MBTD1: variants seen among roughly 807,000 people sequenced by gnomAD.
MBTD1 encodes MBT domain-containing protein 1.
A neutral mutation model predicts 87.8 loss-of-function variants in MBTD1; 24 were observed. The observed-to-expected ratio is 0.27, with a 90% CI of 0.20 to 0.38. The LOEUF (loss-of-function observed/expected upper bound fraction) is 0.38. MBTD1 is among the 10% of genes least tolerant of loss of function. The pLI, the probability that MBTD1 is intolerant of heterozygous loss-of-function variation, is 1.00. For synonymous variants in MBTD1, 237 were observed against 248.6 expected, an observed-to-expected ratio of 0.95 and a Z score of 0.44; for missense variants, 436 against 760.2, an observed-to-expected ratio of 0.57 and a Z score of 5.02.
intron 6 of MBTD1, among the ~76,000 whole-genome samples, chr17:51,211,505 A>T (rs1023265157): frequency 8.3e-5 from 2 of 24,098 alleles, no homozygotes; most frequent in Non-Finnish European, 8.0e-5. Flanking sequence ...GAGACTGTTT[A>T]AAAAAAAAAA....
intron 12 of MBTD1, among the ~76,000 whole-genome samples, chr17:51,199,101 T>G (rs945396976): frequency 5.3e-5 from 8 of 151,788 alleles, no homozygotes; most frequent in Non-Finnish European, 7.4e-5. Context: ...CAGTCTTTAT[T>G]TTTTTCTTTT....
rs530977866 is a variant in MBTD1, at chr17:51,254,995, G to C, written c.-49+4148C>G. Among the ~76,000 whole-genome samples the C allele has an allele frequency of 1.4e-4, 22 of 152,276 alleles. No individual in the cohort carries two copies. The South Asian group carries it at 3.5e-3, about 24-fold the overall frequency. ...GATCATTTATTAGTATGTTAACATA[G>C]AGACGGGCCAGGCGCAGTGGCTCAC... On this transcript the variant is annotated intron_variant, in intron 2 of 16. Coordinates refer to ENST00000586178, the MANE Select transcript of MBTD1 (RefSeq NM_017643.3).
In MBTD1 at chr17:51,220,483, C is replaced by T; in HGVS notation, c.155-20G>A. ...AGGTAGCTAATTAACAAAATAAAAA[C>T]ACTGGTGTTATGATGATATAATAAA... On this transcript the variant is annotated intron_variant, in intron 3 of 16. Transcript: ENST00000586178. 4 of 1,529,592 alleles carry T rather than the reference C, an allele frequency of 2.6e-6. No homozygotes were observed. Among genetic ancestry groups the T allele is most frequent in the Non-Finnish European group, 3.5e-6 (4 of 1,132,096 alleles). 94.8% of individuals were successfully genotyped at this position (1,529,592 alleles called of 1,614,324 possible).
chr17:51,259,291 C>G, intron 1 of MBTD1, 85 bp from the exon 2 acceptor site: 2 of 1,229,322 alleles, frequency 1.6e-6, no homozygotes, highest in Non-Finnish European at 1.0e-6. Flanking sequence ...AAATATGCAG[C>G]CTTGGAGGCT....
At position 51,259,822 on chromosome 17, in the gene MBTD1, G is replaced by A. The variant is rs1247805520; in HGVS notation, c.-113+13C>T. On this transcript the variant is annotated intron_variant, in intron 1 of 16. Transcript: ENST00000586178. ...ACCTGGCACACAAAGCGGCTGCCGC[G>A]CTCGGCTCTCACCAGATCCTTTGTG... The A allele has an allele frequency of 2.4e-6, 3 of 1,232,356 alleles. No homozygotes were observed. The highest frequency in any genetic ancestry group is 3.0e-6 in the Non-Finnish European group (3 of 988,344). The allele number at this position is 1,232,356 out of a possible 1,614,324, so 76.3% of individuals were successfully genotyped here.
intron 16 of MBTD1, among the ~76,000 whole-genome samples, chr17:51,190,573 C>T (rs144613936): frequency 6.7e-5 from 10 of 148,580 alleles, no homozygotes; most frequent in African/African-American, 2.2e-4. Context: ...AATATAAAAA[C>T]GAGTTGGGCA....
At chr17:51,227,728 T>C (rs1475706676) in intron 2 of MBTD1, among the ~76,000 whole-genome samples, 1 of 152,046 alleles carries the variant, frequency 6.6e-6, no homozygotes, top group Non-Finnish European at 1.5e-5. Flanking sequence ...GGCGGGGAGA[T>C]CACCTGAGGT....
intron 16 of MBTD1, among the ~76,000 whole-genome samples, chr17:51,188,933 T>A (rs2050674525): frequency 6.6e-6 from 1 of 152,022 alleles, no homozygotes; most frequent in African/African-American, 2.4e-5. Context: ...TAATTTTGCA[T>A]TTTTAGTAGA....
intron 6 of MBTD1, chr17:51,209,293 T>C: frequency 8.7e-6 from 4 of 461,602 alleles, no homozygotes; most frequent in South Asian, 6.3e-5. Context: ...AACCATAATT[T>C]ACAGGTAACA....
At chr17:51,217,244 T>A in intron 6 of MBTD1, 90 bp downstream of exon 6, 1 of 675,640 alleles carries the variant, frequency 1.5e-6, no homozygotes, top group Non-Finnish European at 2.5e-6. Flanking sequence ...ACAAACACCT[T>A]CTAAGGATAA....
At chr17:51,250,459 T>A (rs983197001) in intron 2 of MBTD1, 4 of 152,224 alleles carry the variant, frequency 2.6e-5, no homozygotes, top group Non-Finnish European at 5.9e-5. Flanking sequence ...AGTTCCTGCA[T>A]GTTCAAACTG....
intron 2 of MBTD1, among the ~76,000 whole-genome samples, chr17:51,236,447 G>C (rs1280912441): frequency 6.6e-6 from 1 of 152,154 alleles, no homozygotes; most frequent in African/African-American, 2.4e-5. Flanking sequence ...GTTTCACCAT[G>C]TTGGCCAGGC....
chr17:51,207,083 A>G (rs1265581395), intron 6 of MBTD1, 78 bp from the exon 7 acceptor site: 3 of 696,986 alleles, frequency 4.3e-6, no homozygotes, highest in South Asian at 2.0e-5. Flanking sequence ...AAGCAGTACC[A>G]TCAATAATAG....
In MBTD1 at chr17:51,179,486, A is replaced by ATATATATATATATATATATATTTT. The variant is rs1568135482; in HGVS notation, c.*1089_*1090insAAAATATATATATATATATATATA. 6.7e-5 allele frequency: 1 copy of ATATATATATATATATATATATTTT among 15,016 alleles called. No individual in the cohort carries two copies. Among genetic ancestry groups the ATATATATATATATATATATATTTT allele is most frequent in the Non-Finnish European group, 1.4e-4 (1 of 7,318 alleles). The allele number at this position is 15,016 out of a possible 1,614,324, so 0.9% of individuals were successfully genotyped here. On this transcript the variant is annotated 3_prime_UTR_variant, in exon 17 of 17. Coordinates refer to ENST00000586178, the MANE Select transcript of MBTD1 (RefSeq NM_017643.3). ...CCTGAATACAATTAAAGACAATTTT[A>ATATATATATATATATATATATTTT]TATATATATATATATATATATATAT...
chr17:51,203,012 A>T, intron 9 of MBTD1, 77 bp from the exon 10 acceptor site: 1 of 1,309,266 alleles, frequency 7.6e-7, no homozygotes. Context: ...TACTGTAAAA[A>T]ATACTGAATG....
chr17:51,197,087 TA>T, intron 12 of MBTD1, among the ~76,000 whole-genome samples: 1 of 11,956 alleles, frequency 8.4e-5, no homozygotes, highest in Admixed American at 9.8e-4. Flanking sequence ...TATATATATA[TA>T]TATATATATA....
At chr17:51,250,810 C>G (rs777553459) in intron 2 of MBTD1, 6 of 152,196 alleles carry the variant, frequency 3.9e-5, no homozygotes, top group Admixed American at 6.5e-5. Flanking sequence ...CAATTATATA[C>G]AGTAGACTTT....
In MBTD1 at chr17:51,180,490, T is replaced by G. The variant is rs929584368; in HGVS notation, c.*86A>C. 3 of 380,840 alleles carry G rather than the reference T, an allele frequency of 7.9e-6. No individual in the cohort carries two copies. The highest frequency in any genetic ancestry group is 7.6e-5 in the African/African-American group (3 of 39,280). 23.6% of individuals were successfully genotyped at this position (380,840 alleles called of 1,614,324 possible). On this transcript the variant is annotated 3_prime_UTR_variant, in exon 17 of 17. Transcript: ENST00000586178. ...TTCTATGTTTAGCAAAATGTCCCAG[T>G]AGAGTAGCCCCCTGTACAGCTGGAT...
intron 6 of MBTD1, among the ~76,000 whole-genome samples, chr17:51,207,800 G>C (rs1037009321): frequency 6.6e-6 from 1 of 152,052 alleles, no homozygotes; most frequent in Non-Finnish European, 1.5e-5. Context: ...AAAACTCAAG[G>C]CAATTCACAA....
Sources: gnomAD v4.1 joint callset for allele counts (sites outside exome capture counted in the v4.1 genomes callset) on GRCh38, gnomAD v4.1.1 for gene constraint, MANE v1.5 for transcripts, NCBI Gene and HGNC (gene_info 2026-07-23, HGNC 2026-07-21) for gene names.